RORA: variants seen among roughly 807,000 people sequenced by gnomAD.
RORA encodes nuclear receptor ROR-alpha.
A neutral mutation model predicts 69.5 loss-of-function variants in RORA; 7 were observed. That is an observed-to-expected ratio of 0.10 (90% CI 0.06 to 0.19). RORA has a LOEUF of 0.19. Among genes scored for constraint, RORA ranks in the 10% least tolerant of loss-of-function variants. The pLI is 1.00. For synonymous variants in RORA, 261 were observed against 240.8 expected (o/e 1.08, Z -0.78); for missense variants, 457 against 663.0 (o/e 0.69, Z 3.41).
At chr15:61,116,982 A>G (rs2079056764) in intron 1 of RORA, among the ~76,000 whole-genome samples, 1 of 152,124 alleles carries the variant, frequency 6.6e-6, no homozygotes, top group Non-Finnish European at 1.5e-5. Context: ...CCCATTATTC[A>G]GAGTGAGCTG....
chr15:60,561,056 G>GTTTTTTTTTTTT (rs59042428), intron 2 of RORA, among the ~76,000 whole-genome samples: 2 of 119,732 alleles, frequency 1.7e-5, no homozygotes, highest in African/African-American at 3.4e-5. Flanking sequence ...TTTAACTTGT[G>GTTTTTTTTTTTT]TTTTTTTTTT....
chr15:60,758,136 T>G (rs2071829195), intron 1 of RORA, among the ~76,000 whole-genome samples: 1 of 152,172 alleles, frequency 6.6e-6, no homozygotes. Context: ...CAGACCCCTT[T>G]GTCAAACAGC....
chr15:61,140,802 A>G (rs965326101), intron 1 of RORA, among the ~76,000 whole-genome samples: 3 of 152,154 alleles, frequency 2.0e-5, no homozygotes, highest in Non-Finnish European at 4.4e-5. Context: ...GGGGAAAAGA[A>G]GAAACTATTG....
intron 2 of RORA, among the ~76,000 whole-genome samples, chr15:60,668,416 G>C (rs568844534): frequency 6.6e-6 from 1 of 152,294 alleles, no homozygotes; most frequent in South Asian, 2.1e-4. Flanking sequence ...GCTGCTATTT[G>C]AGGCAACTTC....
chr15:60,519,809 A>AAATC (rs973284529), intron 3 of RORA, among the ~76,000 whole-genome samples: 10 of 146,228 alleles, frequency 6.8e-5, no homozygotes, highest in African/African-American at 2.6e-4. Context: ...CCTTATTTCT[A>AAATC]AATCACTCTA....
At chr15:60,692,544 G>A (rs1362792609) in intron 1 of RORA, among the ~76,000 whole-genome samples, 4 of 152,300 alleles carry the variant, frequency 2.6e-5, no homozygotes, top group East Asian at 3.9e-4. Context: ...TTTTGAGCAG[G>A]ATGCATGCTA....
chr15:61,015,475 A>AC (rs11404766), intron 1 of RORA, among the ~76,000 whole-genome samples: 6 of 98,644 alleles, frequency 6.1e-5, no homozygotes, highest in African/African-American at 1.9e-4. Context: ...TGAAATACAC[A>AC]AAAAAAAATG....
At chr15:60,582,154 TTTA>T (rs1334699249) in intron 2 of RORA, among the ~76,000 whole-genome samples, 1 of 152,178 alleles carries the variant, frequency 6.6e-6, no homozygotes, top group Non-Finnish European at 1.5e-5. Flanking sequence ...TCTGGGCATA[TTTA>T]TTATTAATAT....
At chr15:60,830,818 C>A (rs2140390695) in intron 1 of RORA, among the ~76,000 whole-genome samples, 1 of 152,326 alleles carries the variant, frequency 6.6e-6, no homozygotes, top group Non-Finnish European at 1.5e-5. Flanking sequence ...TGGCAAGTGT[C>A]TAGTTGATTC....
At chr15:60,991,185 G>A (rs1346046151) in intron 1 of RORA, among the ~76,000 whole-genome samples, 5 of 152,210 alleles carry the variant, frequency 3.3e-5, no homozygotes. Context: ...CAGGTGGCAA[G>A]AGAACAGAAC....
At chr15:60,509,243 G>A (rs1281946338) in intron 5 of RORA, among the ~76,000 whole-genome samples, 17 of 152,198 alleles carry the variant, frequency 1.1e-4, no homozygotes, top group Admixed American at 1.1e-3. Flanking sequence ...TGGGATAAGA[G>A]AATTAGAGCC....
chr15:60,608,990 C>T lies in RORA; in HGVS notation c.196+69667G>A, dbSNP rs117162323. On this transcript the variant is annotated intron_variant, in intron 2 of 10. Coordinates refer to ENST00000335670, the MANE Select transcript of RORA (RefSeq NM_134261.3). ...CCCCCGTGTCTATCATGACATTGGC[C>T]TTAGAAGTTAAGAATATACTTGCAG... Among the ~76,000 whole-genome samples, 51 of 152,186 alleles carry T rather than the reference C, an allele frequency of 3.4e-4. No homozygotes were observed. In the East Asian group the frequency reaches 9.6e-3, roughly 29 times the overall value.
At chr15:60,670,475 G>A (rs1011061044) in intron 2 of RORA, among the ~76,000 whole-genome samples, 8 of 152,080 alleles carry the variant, frequency 5.3e-5, no homozygotes, top group African/African-American at 1.9e-4. Flanking sequence ...CTCCCAAAGT[G>A]CTGGGATTAC....
intron 1 of RORA, among the ~76,000 whole-genome samples, chr15:61,156,643 T>C (rs905453974): frequency 5.3e-5 from 8 of 152,152 alleles, no homozygotes; most frequent in Non-Finnish European, 1.0e-4. Context: ...TACAGCATTA[T>C]AAGAGCCATC....
chr15:61,199,219 C>G (rs2079873373), intron 1 of RORA, among the ~76,000 whole-genome samples: 2 of 152,012 alleles, frequency 1.3e-5, no homozygotes, highest in African/African-American at 4.8e-5. Context: ...ATTATTCCTT[C>G]TCTGCTCTCG....
At chr15:60,862,678 A>G (rs1045918705) in intron 1 of RORA, among the ~76,000 whole-genome samples, 2 of 152,208 alleles carry the variant, frequency 1.3e-5, no homozygotes, top group Non-Finnish European at 2.9e-5. Context: ...TTTTCATGTT[A>G]TTTCAGTGAA....
intron 1 of RORA, among the ~76,000 whole-genome samples, chr15:61,186,339 G>A (rs889631145): frequency 6.6e-6 from 1 of 152,096 alleles, no homozygotes; most frequent in African/African-American, 2.4e-5. Context: ...TGAAAAGCTT[G>A]TTAAGAATCC....
rs1259865142 is a variant in RORA at position 61,061,547 on chromosome 15, A to T, written c.166+167506T>A. On this transcript the variant is annotated intron_variant, in intron 1 of 10. Coordinates refer to ENST00000335670, the MANE Select transcript of RORA (RefSeq NM_134261.3). This position sits in a 1 kb window ranked among gnomAD's most constrained non-coding sequence, Gnocchi z 4.4. ...ACCTCGCCCCTCATTCTAAAGTGTA[A>T]TTCCCAGATTTTCAGTAACTTACGT... Among the ~76,000 whole-genome samples the T allele has an allele frequency of 6.6e-6, 1 of 152,030 alleles. No homozygotes were observed. Among genetic ancestry groups the T allele is most frequent in the Non-Finnish European group, 1.5e-5 (1 of 68,014 alleles).
intron 1 of RORA, among the ~76,000 whole-genome samples, chr15:61,115,973 T>A (rs983054133): frequency 6.6e-6 from 1 of 151,950 alleles, no homozygotes; most frequent in African/African-American, 2.4e-5. Flanking sequence ...ATTGGATAGG[T>A]GACTCAGTGT....
Sources: allele counts gnomAD v4.1 joint callset (sites outside exome capture counted in the v4.1 genomes callset), GRCh38; gene constraint gnomAD v4.1.1; non-coding constraint Gnocchi (gnomAD v3.1); transcripts MANE v1.5; gene names NCBI Gene and HGNC (gene_info 2026-07-23, HGNC 2026-07-21).